SDK1: variants seen among roughly 807,000 people sequenced by gnomAD.
SDK1 encodes sidekick cell adhesion molecule 1.
A neutral mutation model predicts 245.5 loss-of-function variants in SDK1; 157 were observed. The observed-to-expected ratio is 0.64, with a 90% CI of 0.56 to 0.73. SDK1 has a LOEUF of 0.73. Among genes scored for constraint, SDK1 ranks in the 30% least tolerant of loss-of-function variants. The probability of loss-of-function intolerance (pLI) is 0.00; values close to 1 mark genes in which losing one functional copy is unlikely to be tolerated. For missense variants in SDK1, 3,583 were observed against 3,002.3 expected (o/e 1.19, Z -4.52); for synonymous variants, 1,647 against 1,278.5 (o/e 1.29, Z -6.15).
At chr7:3,807,145 C>T (rs1426003640) in intron 4 of SDK1, among the ~76,000 whole-genome samples, 9 of 152,160 alleles carry the variant, frequency 5.9e-5, no homozygotes, top group Admixed American at 5.9e-4. Flanking sequence ...AAATCTACCC[C>T]ATCCCCAAAG....
chr7:4,027,107 G>A (rs1003056987), intron 17 of SDK1, among the ~76,000 whole-genome samples: 2 of 152,216 alleles, frequency 1.3e-5, no homozygotes, highest in Admixed American at 6.5e-5. Context: ...CCCACTGGCT[G>A]CTCGGCTCCC....
chr7:3,503,813 A>C (rs1179712817), intron 1 of SDK1, among the ~76,000 whole-genome samples: 2 of 152,162 alleles, frequency 1.3e-5, no homozygotes. Context: ...AGTAAATGGA[A>C]AGGCGTGATG....
At chr7:3,980,894 T>G (rs370087788) in intron 13 of SDK1, among the ~76,000 whole-genome samples, 2 of 151,846 alleles carry the variant, frequency 1.3e-5, no homozygotes, top group Admixed American at 6.6e-5. Context: ...TGAGCCGAAT[T>G]GCACCACTGC....
chr7:3,565,560 C>G (rs975946625), intron 1 of SDK1, among the ~76,000 whole-genome samples: 2 of 152,166 alleles, frequency 1.3e-5, no homozygotes, highest in African/African-American at 4.8e-5. Flanking sequence ...ATTACTAGAA[C>G]TAAAGAGTAC....
intron 1 of SDK1, among the ~76,000 whole-genome samples, chr7:3,586,318 C>T (rs1278765723): frequency 6.6e-6 from 1 of 152,030 alleles, no homozygotes; most frequent in Non-Finnish European, 1.5e-5. Flanking sequence ...GGAGGAAGTG[C>T]ACCCAGTGGA....
At chr7:3,381,077 G>C (rs139875398) in intron 1 of SDK1, among the ~76,000 whole-genome samples, 3,648 of 152,316 alleles carry the variant, frequency 0.024, 61 homozygotes, top group Admixed American at 0.051. Context: ...CTTAGAGGTG[G>C]TAATTGAAGT....
chr7:3,703,536 G>T (rs993368519), intron 4 of SDK1, among the ~76,000 whole-genome samples: 1 of 152,180 alleles, frequency 6.6e-6, no homozygotes, highest in South Asian at 2.1e-4. Context: ...CTGGACTGTA[G>T]TGGTGGTGAA....
At chr7:3,928,678 C>T (rs945396806) in intron 5 of SDK1, among the ~76,000 whole-genome samples, 1 of 152,026 alleles carries the variant, frequency 6.6e-6, no homozygotes, top group African/African-American at 2.4e-5. Flanking sequence ...ACAATAGCAA[C>T]AATGATAGCA....
chr7:3,811,965 G>A (rs567051012), intron 4 of SDK1, among the ~76,000 whole-genome samples: 157 of 152,264 alleles, frequency 1.0e-3, no homozygotes, highest in African/African-American at 3.3e-3. Context: ...CCTGTGTGGC[G>A]TATCTACTTT....
At chr7:4,152,340 C>G (rs1030904282) in intron 30 of SDK1, among the ~76,000 whole-genome samples, 1 of 152,234 alleles carries the variant, frequency 6.6e-6, no homozygotes, top group Non-Finnish European at 1.5e-5. Context: ...TGGAATTCTC[C>G]TGGCACAGCC....
intron 1 of SDK1, among the ~76,000 whole-genome samples, chr7:3,540,144 C>T (rs1050980137): frequency 2.0e-5 from 3 of 152,192 alleles, no homozygotes; most frequent in Non-Finnish European, 4.4e-5. Context: ...TGGTGGCTGA[C>T]GCCGGTAATC....
chr7:4,074,911 TATA>T lies in SDK1; in HGVS notation c.3011-2086_3011-2084del, dbSNP rs1397813460. ...GTATATATATATATATATATATATATATATATTTTTTTTTTTTTTTAATAAAGT... is the reference window on the plus strand; with the variant it reads ...GTATATATATATATATATATATATATTATTTTTTTTTTTTTTTAATAAAGT... On this transcript the variant is annotated intron_variant, in intron 20 of 44. Coordinates refer to ENST00000404826, the MANE Select transcript of SDK1 (RefSeq NM_152744.4). Among the ~76,000 whole-genome samples, 23 of 84,730 alleles carry T rather than the reference TATA, an allele frequency of 2.7e-4. 1 individual carries two copies. Among genetic ancestry groups the T allele is most frequent in the African/African-American group, 1.6e-3 (23 of 14,386 alleles). The allele number at this position is 84,730 out of a possible 152,430, so 55.6% of individuals were successfully genotyped here. A position where few individuals can be genotyped will look rare whatever the true frequency, so the allele number is the denominator to read the frequency against.
rs1242498343 is a variant in SDK1, at chr7:4,052,067, G to T, written c.2911+237G>T. 6.6e-6 allele frequency among the ~76,000 whole-genome samples: 1 copy of T among 152,034 alleles called. No homozygotes were observed. The highest frequency in any genetic ancestry group is 1.5e-5 in the Non-Finnish European group (1 of 68,008). On this transcript the variant is annotated intron_variant, in intron 19 of 44. Transcript: ENST00000404826. Reference sequence around the variant, plus strand: ...CAAGGAAGGAGCTCTGGGGACAGGGGGTGGAGAATCAGGTTCCAGCTGTGT... The same window carrying T: ...CAAGGAAGGAGCTCTGGGGACAGGGTGTGGAGAATCAGGTTCCAGCTGTGT...
chr7:3,368,219 T>C (rs1781139152), intron 1 of SDK1, among the ~76,000 whole-genome samples: 1 of 152,198 alleles, frequency 6.6e-6, no homozygotes, highest in African/African-American at 2.4e-5. Flanking sequence ...GTTATATAAG[T>C]CATGTTAATT....
intron 5 of SDK1, among the ~76,000 whole-genome samples, chr7:3,838,707 C>A (rs182371819): frequency 3.9e-4 from 59 of 152,340 alleles, no homozygotes; most frequent in Middle Eastern, 3.4e-3. Context: ...CTGCTCTCAA[C>A]TGGGGCATCA....
intron 4 of SDK1, among the ~76,000 whole-genome samples, chr7:3,784,862 C>T (rs947248937): frequency 4.6e-5 from 7 of 152,100 alleles, no homozygotes; most frequent in Admixed American, 1.3e-4. Context: ...GGGCATTTAC[C>T]GAAAAGATTT....
In SDK1 at chr7:3,511,931, G is replaced by C. The variant is rs190497206; in HGVS notation, c.299-107149G>C. Among the ~76,000 whole-genome samples, 231 of 149,578 alleles carry C rather than the reference G, an allele frequency of 1.5e-3. 1 individual carries two copies. The highest frequency in any genetic ancestry group is 5.5e-3 in the African/African-American group (223 of 40,600). On this transcript the variant is annotated intron_variant, in intron 1 of 44. Transcript: ENST00000404826. ...ATGATCACCATCCCCCACCGGAGTGGTATGTTGCAACCATTGATGAGCCTG... is the reference window on the plus strand; with the variant it reads ...ATGATCACCATCCCCCACCGGAGTGCTATGTTGCAACCATTGATGAGCCTG...
chr7:3,418,525 TAAAA>T (rs900561178), intron 1 of SDK1, among the ~76,000 whole-genome samples: 1 of 148,320 alleles, frequency 6.7e-6, no homozygotes, highest in Non-Finnish European at 1.5e-5. Context: ...ACAGGTGGCA[TAAAA>T]AAAAAAGTAT....
chr7:3,737,669 T>G (rs1444497558), intron 4 of SDK1, among the ~76,000 whole-genome samples: 1 of 152,194 alleles, frequency 6.6e-6, no homozygotes, highest in Non-Finnish European at 1.5e-5. Context: ...CTAGTTGCTT[T>G]GAGCCCCATC....
Sources: gnomAD v4.1 joint callset for allele counts (sites outside exome capture counted in the v4.1 genomes callset) on GRCh38, gnomAD v4.1.1 for gene constraint, MANE v1.5 for transcripts, NCBI Gene and HGNC (gene_info 2026-07-23, HGNC 2026-07-21) for gene names.